GASK1B: variants seen among roughly 807,000 people sequenced by gnomAD.
The protein encoded by GASK1B is golgi associated kinase 1B, also known as Golgi-associated kinase 1B.
GASK1B carries 34 observed loss-of-function variants against 42.8 expected under a neutral mutation model. The observed-to-expected ratio is 0.79, with a 90% confidence interval of 0.60 to 1.06. The LOEUF (loss-of-function observed/expected upper bound fraction) is 1.06. GASK1B is among the 50% of genes least tolerant of loss of function. The pLI, the probability that GASK1B is intolerant of heterozygous loss-of-function variation, is 0.00. For missense variants in GASK1B, 686 were observed against 661.0 expected, an observed-to-expected ratio of 1.04 and a Z score of -0.42; for synonymous variants, 262 against 259.1, an observed-to-expected ratio of 1.01 and a Z score of -0.11.
rs1232247914 is a variant in GASK1B at position 158,130,092 on chromosome 4, G to A, written c.1352+694C>T. ...CTCAGCATTCTTTCTGAGTCTTGTCGGATGTCCCCAGATCTTTGAGATCTT... is the reference window on the plus strand; with the variant it reads ...CTCAGCATTCTTTCTGAGTCTTGTCAGATGTCCCCAGATCTTTGAGATCTT... On this transcript the variant is annotated intron_variant, in intron 4 of 4. Transcript: ENST00000585682. Among the ~76,000 whole-genome samples the A allele has an allele frequency of 3.9e-5, 6 of 152,072 alleles. No individual in the cohort carries two copies. In the East Asian group the frequency reaches 5.8e-4, roughly 15 times the overall value.
chr4:158,153,500 A>G (rs1731636192), intron 3 of GASK1B, among the ~76,000 whole-genome samples: 2 of 152,176 alleles, frequency 1.3e-5, no homozygotes. Context: ...ACTAGAAAAA[A>G]AGACTCCTAA....
At position 158,125,740 on chromosome 4, in the gene GASK1B, A is replaced by C. The variant is rs1336357889; in HGVS notation, c.*1667T>G. The C allele has an allele frequency of 6.6e-6, 1 of 152,182 alleles. No homozygotes were observed. Among genetic ancestry groups the C allele is most frequent in the Non-Finnish European group, 1.5e-5 (1 of 68,026 alleles). The allele number at this position is 152,182 out of a possible 1,614,324, so 9.4% of individuals were successfully genotyped here. A position where few individuals can be genotyped will look rare whatever the true frequency, so the allele number is the denominator to read the frequency against. ...AAGCTCAACTGTCCAGGGGGCGAGCACAGCCCATAAGGGTGCTAAAAGTAG... is the reference window on the plus strand; with the variant it reads ...AAGCTCAACTGTCCAGGGGGCGAGCCCAGCCCATAAGGGTGCTAAAAGTAG... On this transcript the variant is annotated 3_prime_UTR_variant, in exon 5 of 5. Transcript: ENST00000585682.
At chr4:158,149,057 A>G (rs1731440663) in intron 3 of GASK1B, among the ~76,000 whole-genome samples, 2 of 152,166 alleles carry the variant, frequency 1.3e-5, no homozygotes, top group African/African-American at 4.8e-5. Context: ...AATGCCCTGA[A>G]TGTTATAAGA....
At chr4:158,161,113 C>G (rs942457988) in intron 2 of GASK1B, among the ~76,000 whole-genome samples, 1 of 149,866 alleles carries the variant, frequency 6.7e-6, no homozygotes, top group Non-Finnish European at 1.5e-5. Context: ...ATGTTTCACC[C>G]AAAAAAAATC....
chr4:158,134,334 T>C (rs1730799406), intron 3 of GASK1B, among the ~76,000 whole-genome samples: 1 of 152,234 alleles, frequency 6.6e-6, no homozygotes, highest in African/African-American at 2.4e-5. Flanking sequence ...ACTTGTTTAG[T>C]GCACACTTAA....
chr4:158,133,919 G>GCA (rs554531404), intron 3 of GASK1B, among the ~76,000 whole-genome samples: 1,860 of 149,820 alleles, frequency 0.012, 314 homozygotes, highest in Middle Eastern at 0.017. Flanking sequence ...GTGTGTGTGC[G>GCA]CGTGCACGAA....
At chr4:158,139,687 T>A (rs1030228434) in intron 3 of GASK1B, among the ~76,000 whole-genome samples, 1 of 152,150 alleles carries the variant, frequency 6.6e-6, no homozygotes, top group African/African-American at 2.4e-5. Flanking sequence ...TGCATTAAAT[T>A]CATATAAAAA....
At chr4:158,159,165 T>A (rs1179795826) in intron 2 of GASK1B, among the ~76,000 whole-genome samples, 1 of 152,152 alleles carries the variant, frequency 6.6e-6, no homozygotes, top group Non-Finnish European at 1.5e-5. Flanking sequence ...ATGCCAACTA[T>A]CGCATAAAGA....
chr4:158,148,207 CT>C (rs1303515014), intron 3 of GASK1B, among the ~76,000 whole-genome samples: 1 of 152,156 alleles, frequency 6.6e-6, no homozygotes, highest in Non-Finnish European at 1.5e-5. Context: ...GAGCGAGACC[CT>C]GTCTCTATTT....
At chr4:158,134,088 G>A (rs1356763531) in intron 3 of GASK1B, among the ~76,000 whole-genome samples, 1 of 152,114 alleles carries the variant, frequency 6.6e-6, no homozygotes, top group East Asian at 1.9e-4. Context: ...ATGTTCTCTA[G>A]CTCTTCTCAG....
At chr4:158,133,763 G>A (rs1305177865) in intron 3 of GASK1B, among the ~76,000 whole-genome samples, 1 of 152,180 alleles carries the variant, frequency 6.6e-6, no homozygotes, top group Non-Finnish European at 1.5e-5. Flanking sequence ...CCACCTCCCT[G>A]ACAGACTGTT....
At chr4:158,136,824 T>C (rs969108282) in intron 3 of GASK1B, among the ~76,000 whole-genome samples, 8 of 152,316 alleles carry the variant, frequency 5.3e-5, no homozygotes, top group Middle Eastern at 3.4e-3. Flanking sequence ...AGTATAAATA[T>C]GCAATAAGAC....
chr4:158,143,781 G>C (rs934903280), intron 3 of GASK1B, among the ~76,000 whole-genome samples: 1 of 152,122 alleles, frequency 6.6e-6, no homozygotes, highest in African/African-American at 2.4e-5. Context: ...TCAAGTTTGA[G>C]AGGATGAAGT....
In GASK1B at chr4:158,171,323, A is replaced by G; in HGVS notation, c.53T>C (p.Leu18Pro). Reference sequence around the variant, plus strand: ...GAGCTTACGCACCCGCGGGACGCACAGGGAGCAGATGAACCAGTTTATGAG... The same window carrying G: ...GAGCTTACGCACCCGCGGGACGCACGGGGAGCAGATGAACCAGTTTATGAG... The part of the protein sequence containing the change: ...GQLINWFICS[L>P]CVPRVRKLWS... Residue 18 changes from leucine (L) to proline (P), a missense_variant, in exon 2 of 5, where the codon CTG (leucine) becomes CCG (proline). By Grantham distance (98) the Leu-to-Pro change is moderately conservative. Transcript: ENST00000585682. 1 of 1,611,968 alleles carries G rather than the reference A, an allele frequency of 6.2e-7. No individual in the cohort carries two copies.
At chr4:158,154,314 T>C (rs1442947710) in intron 3 of GASK1B, among the ~76,000 whole-genome samples, 1 of 152,074 alleles carries the variant, frequency 6.6e-6, no homozygotes, top group Non-Finnish European at 1.5e-5. Context: ...AAAACCACAA[T>C]GTGATACCAC....
chr4:158,150,515 T>C (rs1273550359), intron 3 of GASK1B, among the ~76,000 whole-genome samples: 2 of 152,266 alleles, frequency 1.3e-5, no homozygotes, highest in South Asian at 2.1e-4. Context: ...TCATAAGTAA[T>C]AAAGTCATTT....
At chr4:158,133,641 T>C (rs566126466) in intron 3 of GASK1B, among the ~76,000 whole-genome samples, 1 of 152,344 alleles carries the variant, frequency 6.6e-6, no homozygotes, top group Admixed American at 6.5e-5. Context: ...AAAAGATTGA[T>C]TTAGGTCATC....
intron 2 of GASK1B, among the ~76,000 whole-genome samples, chr4:158,166,738 T>A (rs1468520426): frequency 1.3e-5 from 2 of 152,140 alleles, no homozygotes; most frequent in Non-Finnish European, 2.9e-5. Context: ...AAAAGGAGGT[T>A]CCCATGGCTA....
At chr4:158,127,956 C>T (rs1310447647) in intron 4 of GASK1B, among the ~76,000 whole-genome samples, 2 of 152,112 alleles carry the variant, frequency 1.3e-5, no homozygotes, top group Non-Finnish European at 2.9e-5. Flanking sequence ...CCTGTGGAAA[C>T]CCCTTTAATC....
Sources: allele counts gnomAD v4.1 joint callset (sites outside exome capture counted in the v4.1 genomes callset), GRCh38; gene constraint gnomAD v4.1.1; transcripts MANE v1.5; gene names NCBI Gene and HGNC (gene_info 2026-07-23, HGNC 2026-07-21).